The following KLHL6 variants were observed in gnomAD, a reference collection of about 807,000 sequenced individuals.
KLHL6 encodes kelch like family member 6, also known as kelch-like protein 6.
Under a neutral mutation model 58.6 loss-of-function variants are expected in KLHL6, and 41 were observed. That is an observed-to-expected ratio of 0.70 (90% CI 0.55 to 0.91). The LOEUF (loss-of-function observed/expected upper bound fraction) is 0.91. KLHL6 is among the 40% of genes least tolerant of loss of function. The probability of loss-of-function intolerance (pLI) is 0.00; values close to 1 mark genes in which losing one functional copy is unlikely to be tolerated. For synonymous variants in KLHL6, 338 were observed against 322.7 expected (o/e 1.05, Z -0.51); for missense variants, 714 against 805.6 (o/e 0.89, Z 1.38).
intron 3 of KLHL6, among the ~76,000 whole-genome samples, chr3:183,502,705 A>G (rs1484031420): frequency 2.6e-5 from 4 of 152,134 alleles, no homozygotes; most frequent in African/African-American, 9.7e-5. Context: ...CTCATAATGA[A>G]CTTTGAGATT....
Position 183,492,656 on chromosome 3 carries a change from T to C in KLHL6, c.1402A>G (p.Lys468Glu). The part of the protein sequence containing the change: ...VSSFAATSHK[K>E]KLYVIGGGPN... ...CCTCCCCCGATCACATACAGCTTCT[T>C]CTTATGGCTGGTGGCTGCAAAGGAA... The change falls in exon 6 of 7, where the codon AAG becomes GAG. Residue 468 changes from lysine to glutamate, a missense_variant. Physicochemically the swap from Lys to Glu is moderately conservative, Grantham distance 56. Coordinates refer to ENST00000341319, the MANE Select transcript of KLHL6 (RefSeq NM_130446.4). This position sits in a 1 kb window ranked among gnomAD's most constrained non-coding sequence, Gnocchi z 5.9. 1 of 1,614,024 alleles carries C rather than the reference T, an allele frequency of 6.2e-7. No homozygotes were observed. Among genetic ancestry groups the C allele is most frequent in the Non-Finnish European group, 8.5e-7 (1 of 1,180,030 alleles).
chr3:183,530,515 C>T (rs1271861942), intron 1 of KLHL6, among the ~76,000 whole-genome samples: 1 of 152,112 alleles, frequency 6.6e-6, no homozygotes, highest in Non-Finnish European at 1.5e-5. Context: ...TTTGTTCCTC[C>T]TACTGCATGT....
rs1366065713 is a variant in KLHL6 at position 183,489,454 on chromosome 3, A to T, written c.*2473T>A. ...ATCTCATTTTTAGCTAACTTGAAGA[A>T]AATAAAAACAAGAATATTAACTGGT... is the stretch of plus-strand genomic sequence containing the variant. On this transcript the variant is annotated 3_prime_UTR_variant, in exon 7 of 7. Coordinates refer to ENST00000341319, the MANE Select transcript of KLHL6 (RefSeq NM_130446.4). 6.6e-6 allele frequency: 1 copy of T among 152,220 alleles called. No individual in the cohort carries two copies. The highest frequency in any genetic ancestry group is 1.5e-5 in the Non-Finnish European group (1 of 68,036). 9.4% of individuals were successfully genotyped at this position (152,220 alleles called of 1,614,324 possible).
chr3:183,492,830 A>G lies in KLHL6; in HGVS notation c.1351-123T>C. On this transcript the variant is annotated intron_variant, in intron 5 of 6. Coordinates refer to ENST00000341319, the MANE Select transcript of KLHL6 (RefSeq NM_130446.4). This position sits in a 1 kb window ranked among gnomAD's most constrained non-coding sequence, Gnocchi z 5.9. ...CTGGGCATCTTTTGCCTATAGTCAC[A>G]AGGCCCATGGGCTTGACTCCTCTTA... The G allele has an allele frequency of 1.2e-6, 1 of 809,534 alleles. No homozygotes were observed. The highest frequency in any genetic ancestry group is 2.0e-6 in the Non-Finnish European group (1 of 508,998). 50.1% of individuals were successfully genotyped at this position (809,534 alleles called of 1,614,324 possible).
intron 1 of KLHL6, among the ~76,000 whole-genome samples, chr3:183,543,172 A>G (rs1211093797): frequency 6.6e-6 from 1 of 152,130 alleles, no homozygotes; most frequent in African/African-American, 2.4e-5. Flanking sequence ...CTGTAATCCC[A>G]GCTACTCTGG....
At position 183,492,055 on chromosome 3, in the gene KLHL6, C is replaced by G. The variant is rs779494995; in HGVS notation, c.1738G>C (p.Asp580His). ...TCTGTCAGTTTCTGGGCCTCGGGGT[C>G]CCAGCACAGCACCGTGGCGATAACC... Reference protein sequence around the residue: ...NEVIATVLCWDPEAQKLTEEC... With the variant: ...NEVIATVLCWHPEAQKLTEEC... Residue 580 changes from aspartate to histidine, a missense_variant, in exon 7 of 7, where the codon GAC (aspartate) becomes CAC (histidine). Around this residue, in one of 2 missense-constraint regions of KLHL6, gnomAD observed 510 missense variants for 629.7 expected, o/e 0.81. Coordinates refer to ENST00000341319, the MANE Select transcript of KLHL6 (RefSeq NM_130446.4). This position sits in a 1 kb window ranked among gnomAD's most constrained non-coding sequence, Gnocchi z 5.9. 3 of 1,613,908 alleles carry G rather than the reference C, an allele frequency of 1.9e-6. No homozygotes were observed. The East Asian group carries it at 6.7e-5, about 36-fold the overall frequency.
At chr3:183,506,800 C>T (rs1286493439) in intron 3 of KLHL6, among the ~76,000 whole-genome samples, 3 of 151,416 alleles carry the variant, frequency 2.0e-5, no homozygotes, top group Admixed American at 6.6e-5. Context: ...TGTACTCCAG[C>T]CTGGGCAACA....
intron 1 of KLHL6, among the ~76,000 whole-genome samples, chr3:183,550,859 G>A (rs886151993): frequency 8.6e-5 from 13 of 150,902 alleles, no homozygotes; most frequent in Non-Finnish European, 1.5e-4. Flanking sequence ...AGTGGCTCAC[G>A]CCTGTAATCC....
Position 183,552,534 on chromosome 3 carries a change from C to T in KLHL6, c.293+2827G>A, listed in dbSNP as rs112940602. Reference sequence around the variant, plus strand: ...GAGATGGAGACCATCCTGGCTAACACAGTGAAACCCCGTCTCTACTAAAAA... The same window carrying T: ...GAGATGGAGACCATCCTGGCTAACATAGTGAAACCCCGTCTCTACTAAAAA... On this transcript the variant is annotated intron_variant, in intron 1 of 6. Transcript: ENST00000341319. Among the ~76,000 whole-genome samples, 987 of 151,842 alleles carry T rather than the reference C, an allele frequency of 6.5e-3. 14 individuals carry two copies. Among genetic ancestry groups the T allele is most frequent in the African/African-American group, 0.023 (933 of 41,440 alleles).
chr3:183,555,402 G>A lies in KLHL6; in HGVS notation c.252C>T (p.Ser84=), dbSNP rs780353122. Residue 84 remains serine, a synonymous_variant, in exon 1 of 7, where the codon TCC becomes TCT. Coordinates refer to ENST00000341319, the MANE Select transcript of KLHL6 (RefSeq NM_130446.4). ...VILCVDIQEF[S]CHRVVLAAAS... is the part of the protein sequence containing the mutation. ...CTGCGGCAAGCACCACGCGGTGGCA[G>A]GAGAATTCCTGAATGTCCACACACA... 1.4e-5 allele frequency: 22 copies of A among 1,614,060 alleles called. No individual in the cohort carries two copies. The South Asian group carries it at 1.6e-4, about 12-fold the overall frequency.
chr3:183,501,601 A>T (rs1229429981), intron 3 of KLHL6, among the ~76,000 whole-genome samples: 1 of 152,062 alleles, frequency 6.6e-6, no homozygotes, highest in African/African-American at 2.4e-5. Flanking sequence ...ACTAGCCGTG[A>T]TCTTACCTCC....
chr3:183,532,334 A>G (rs1712189399), intron 1 of KLHL6, among the ~76,000 whole-genome samples: 1 of 152,198 alleles, frequency 6.6e-6, no homozygotes, highest in Admixed American at 6.5e-5. Flanking sequence ...CATGCTAGCA[A>G]CTTGATGCTA....
intron 3 of KLHL6, among the ~76,000 whole-genome samples, chr3:183,504,820 T>C (rs919365595): frequency 3.9e-5 from 6 of 152,222 alleles, no homozygotes; most frequent in African/African-American, 1.2e-4. Context: ...ATAAGCATAG[T>C]ACCTGATAGG....
intron 2 of KLHL6, among the ~76,000 whole-genome samples, chr3:183,523,388 C>G (rs1711836651): frequency 6.6e-6 from 1 of 152,232 alleles, no homozygotes; most frequent in South Asian, 2.1e-4. Flanking sequence ...TCTCCTCTAA[C>G]TGCCACCATG....
Position 183,498,654 on chromosome 3 carries a change from C to G in KLHL6, c.1147+936G>C, listed in dbSNP as rs1210709115. On this transcript the variant is annotated intron_variant, in intron 4 of 6. Coordinates refer to ENST00000341319, the MANE Select transcript of KLHL6 (RefSeq NM_130446.4). Reference sequence around the variant, plus strand: ...AAATGTTATTAAAGTATAAATGTATCTCCCACTCAGTAAAGATGGTTGAGA... The same window carrying G: ...AAATGTTATTAAAGTATAAATGTATGTCCCACTCAGTAAAGATGGTTGAGA... 3.3e-5 allele frequency among the ~76,000 whole-genome samples: 5 copies of G among 152,204 alleles called. No homozygotes were observed. The East Asian group carries it at 9.6e-4, about 29-fold the overall frequency.
chr3:183,501,658 G>C (rs1481556965), intron 3 of KLHL6, among the ~76,000 whole-genome samples: 1 of 152,156 alleles, frequency 6.6e-6, no homozygotes, highest in Non-Finnish European at 1.5e-5. Flanking sequence ...ACCTACGAAA[G>C]GCTCTCCTCC....
intron 3 of KLHL6, among the ~76,000 whole-genome samples, chr3:183,504,876 G>A (rs560902324): frequency 4.9e-4 from 75 of 152,186 alleles, no homozygotes; most frequent in Middle Eastern, 3.4e-3. Flanking sequence ...CCCTCAAGTA[G>A]GCCCTGGTAT....
intron 3 of KLHL6, among the ~76,000 whole-genome samples, chr3:183,502,331 A>G (rs1717889569): frequency 6.6e-6 from 1 of 150,884 alleles, no homozygotes; most frequent in African/African-American, 2.4e-5. Context: ...TGAATGGATG[A>G]GTGAATGAAT....
chr3:183,510,848 G>C (rs907717400), intron 2 of KLHL6, among the ~76,000 whole-genome samples: 3 of 133,498 alleles, frequency 2.2e-5, no homozygotes, highest in Non-Finnish European at 5.1e-5. Flanking sequence ...ACTCTAGCCC[G>C]GGCAACAAGA....
Sources: gnomAD v4.1 joint callset for allele counts (sites outside exome capture counted in the v4.1 genomes callset) on GRCh38, gnomAD v4.1.1 for gene constraint, gnomAD v4.1.1 regional missense constraint, Gnocchi (gnomAD v3.1) non-coding constraint, MANE v1.5 for transcripts, NCBI Gene and HGNC (gene_info 2026-07-23, HGNC 2026-07-21) for gene names.